BAZ2A: variants seen among roughly 807,000 people sequenced by gnomAD.
BAZ2A encodes bromodomain adjacent to zinc finger domain 2A, also known as bromodomain adjacent to zinc finger domain protein 2A.
In BAZ2A, 34 loss-of-function variants were observed where a neutral mutation model predicts 199.9. The observed-to-expected ratio is 0.17, with a 90% CI of 0.13 to 0.23. The LOEUF (loss-of-function observed/expected upper bound fraction) is 0.23. BAZ2A is among the 10% of genes least tolerant of loss of function. BAZ2A has a pLI of 1.00. For missense variants in BAZ2A, 2,002 were observed against 2,391.1 expected, an observed-to-expected ratio of 0.84 and a Z score of 3.39; for synonymous variants, 857 against 883.9, an observed-to-expected ratio of 0.97 and a Z score of 0.54.
intron 13 of BAZ2A, 93 bp from the exon 14 acceptor site, chr12:56,605,420 G>GT (rs1459208333): frequency 1.6e-6 from 2 of 1,213,140 alleles, no homozygotes; most frequent in Non-Finnish European, 2.2e-6. Context: ...TAATTTTTAT[G>GT]TAATTTTTTT....
chr12:56,613,336 A>G (rs1357274562), intron 4 of BAZ2A, 103 bp from the exon 5 acceptor site: 67 of 1,154,260 alleles, frequency 5.8e-5, no homozygotes, highest in Middle Eastern at 5.2e-4. Flanking sequence ...TAGTTCCCAC[A>G]ATGTGAAGAT....
At chr12:56,602,608 C>T in intron 19 of BAZ2A, 105 bp downstream of exon 19, 1 of 1,431,060 alleles carries the variant, frequency 7.0e-7, no homozygotes. Context: ...AACCATTACG[C>T]TATATTATCA....
Position 56,596,626 on chromosome 12 carries a change from G to A in BAZ2A, c.*1992C>T, listed in dbSNP as rs1371798642. 6.6e-6 allele frequency: 1 copy of A among 152,462 alleles called. No homozygotes were observed. Among genetic ancestry groups the A allele is most frequent in the Non-Finnish European group, 1.5e-5 (1 of 68,010 alleles). The allele number at this position is 152,462 out of a possible 1,614,324, so 9.4% of individuals were successfully genotyped here. A position where few individuals can be genotyped will look rare whatever the true frequency, so the allele number is the denominator to read the frequency against. ...ATCTTATACCAGGGGAAAATTGCCA[G>A]GGGGAAAAAGCAGAGCCCCCAACTC... On this transcript the variant is annotated 3_prime_UTR_variant, in exon 29 of 29. Coordinates refer to ENST00000549884, the MANE Select transcript of BAZ2A (RefSeq NM_001300905.2).
At chr12:56,629,931 G>C in intron 1 of BAZ2A, 194 bp downstream of exon 1, 1 of 292,050 alleles carries the variant, frequency 3.4e-6, no homozygotes, top group Non-Finnish European at 5.1e-6. Flanking sequence ...AGCCCCACCA[G>C]CCCTGTTCTC....
At chr12:56,605,719 C>T in intron 13 of BAZ2A, 111 bp downstream of exon 13, 1 of 1,208,070 alleles carries the variant, frequency 8.3e-7, no homozygotes, top group Non-Finnish European at 1.1e-6. Flanking sequence ...TGGCACCCGG[C>T]CTTCCTTTAA....
intron 1 of BAZ2A, among the ~76,000 whole-genome samples, chr12:56,629,258 T>A (rs1951212046): frequency 6.6e-6 from 1 of 151,778 alleles, no homozygotes; most frequent in African/African-American, 2.4e-5. Context: ...CCCTCCGTCG[T>A]CCCCCAAAGC....
Position 56,600,371 on chromosome 12 carries a change from C to T in BAZ2A, c.4722G>A (p.Gln1574=), listed in dbSNP as rs1421319301. Reference sequence around the variant, plus strand: ...GGTCCAAAGGGTTGGTAGTTTTACGCTGAGGTGCCAGTCCCTCCCTGCCCC... The same window carrying T: ...GGTCCAAAGGGTTGGTAGTTTTACGTTGAGGTGCCAGTCCCTCCCTGCCCC... The part of the protein sequence containing the change: ...RGRGREGLAP[Q]RKTTNPLDLA... Residue 1574 remains glutamine, a synonymous_variant, in exon 24 of 29, where the codon CAG becomes CAA. Transcript: ENST00000549884. The T allele has an allele frequency of 1.2e-6, 2 of 1,613,896 alleles. No individual in the cohort carries two copies. The highest frequency in any genetic ancestry group is 1.3e-5 in the African/African-American group (1 of 74,916).
chr12:56,614,215 T>C, intron 3 of BAZ2A, 77 bp from the exon 4 acceptor site: 1 of 1,413,530 alleles, frequency 7.1e-7, no homozygotes, highest in Non-Finnish European at 9.8e-7. Context: ...AGGCAGTCAA[T>C]CTTTGCTAGA....
Position 56,600,427 on chromosome 12 carries a change from C to G in BAZ2A, c.4666G>C (p.Asp1556His), listed in dbSNP as rs369347419. 1.2e-6 allele frequency: 2 copies of G among 1,613,808 alleles called. No homozygotes were observed. Among genetic ancestry groups the G allele is most frequent in the Non-Finnish European group, 1.7e-6 (2 of 1,179,894 alleles). Residue 1556 changes from aspartate to histidine, a missense_variant, in exon 24 of 29, where the codon GAC becomes CAC. Physicochemically the swap from Asp to His is moderately conservative, Grantham distance 81. Transcript: ENST00000549884. ...CGCCAGGTGATATCCTCCTGGGAGT[C>G]GGAGAGGTGCTCACAGTAGGCCAAG... ...EDLAYCEHLS[D>H]SQEDITWRGR...
intron 9 of BAZ2A, 23 bp downstream of exon 9, chr12:56,610,091 A>G: frequency 6.2e-7 from 1 of 1,611,474 alleles, no homozygotes; most frequent in Non-Finnish European, 8.5e-7. Context: ...GGACAAAAGC[A>G]TATTTAACCC....
At chr12:56,634,369 C>A (rs1046766660), upstream of BAZ2A, among the ~76,000 whole-genome samples, 3 of 152,096 alleles carry the variant, frequency 2.0e-5, no homozygotes, top group African/African-American at 7.2e-5. Context: ...AACCCTAGGC[C>A]CAGGAGGAGA....
rs540233873 is a variant in BAZ2A, at chr12:56,622,978, T to C, written c.-2-5446A>G. On this transcript the variant is annotated intron_variant, in intron 1 of 28. Transcript: ENST00000549884. ...TGACAACACCAAGAGCAGTGGCTCG[T>C]GTAATCCCAGCACTTTGGGAGGCCG... Among the ~76,000 whole-genome samples the C allele has an allele frequency of 3.9e-5, 6 of 152,024 alleles. No individual in the cohort carries two copies. The East Asian group carries it at 9.7e-4, about 25-fold the overall frequency.
At chr12:56,627,782 C>T (rs574753688) in intron 1 of BAZ2A, among the ~76,000 whole-genome samples, 18 of 142,660 alleles carry the variant, frequency 1.3e-4, no homozygotes, top group Admixed American at 7.2e-4. Flanking sequence ...GCTATGATGG[C>T]GCCACTGCAC....
At chr12:56,634,746 C>T (rs1951405316), upstream of BAZ2A, among the ~76,000 whole-genome samples, 1 of 152,152 alleles carries the variant, frequency 6.6e-6, no homozygotes, top group East Asian at 1.9e-4. Flanking sequence ...GGCGGAGAGG[C>T]GTGAGAAGCC....
chr12:56,619,359 G>T (rs1950831849), intron 1 of BAZ2A, among the ~76,000 whole-genome samples: 2 of 147,940 alleles, frequency 1.4e-5, no homozygotes, highest in South Asian at 4.3e-4. Context: ...AAAAAAAAAA[G>T]GAGCAGGGTG....
chr12:56,629,259 C>A (rs996087741), intron 1 of BAZ2A, among the ~76,000 whole-genome samples: 5 of 152,114 alleles, frequency 3.3e-5, no homozygotes, highest in Non-Finnish European at 7.3e-5. Context: ...CCTCCGTCGT[C>A]CCCCAAAGCA....
upstream of BAZ2A, chr12:56,638,139 T>A (rs1951484404): frequency 8.6e-6 from 5 of 578,398 alleles, no homozygotes; most frequent in South Asian, 1.1e-4. Context: ...CCCTTCAGTG[T>A]TGACTATGTT....
chr12:56,611,920 C>T lies in BAZ2A; in HGVS notation c.1462G>A (p.Val488Met), dbSNP rs372705713. ...ACGGGAGAGGCTTTTGGGGATGTCA[C>T]TGAAGCCGTCAACGGGACTTCTAAG... ...VSLEVPLTAS[V>M]TSPKASPVTS... The change falls in exon 6 of 29, where the codon GTG (valine) becomes ATG (methionine). Residue 488 changes from valine (V) to methionine (M), a missense_variant. This residue lies in a region of BAZ2A where 641 missense variants were observed against 694.5 expected (regional missense o/e 0.92). Coordinates refer to ENST00000549884, the MANE Select transcript of BAZ2A (RefSeq NM_001300905.2). The T allele has an allele frequency of 3.1e-6, 5 of 1,611,174 alleles. No homozygotes were observed. In the African/African-American group the frequency reaches 4.0e-5, roughly 13 times the overall value.
At chr12:56,605,022 G>A (rs1183919647) in intron 14 of BAZ2A, 51 bp downstream of exon 14, 11 of 1,526,936 alleles carry the variant, frequency 7.2e-6, no homozygotes, top group Non-Finnish European at 9.7e-6. Context: ...ACACTAAGTA[G>A]TTACATCTCC....
Sources: gnomAD v4.1 joint callset for allele counts (sites outside exome capture counted in the v4.1 genomes callset) on GRCh38, gnomAD v4.1.1 for gene constraint, gnomAD v4.1.1 regional missense constraint, MANE v1.5 for transcripts, NCBI Gene and HGNC (gene_info 2026-07-23, HGNC 2026-07-21) for gene names.